ADAMTS3: variants seen among roughly 807,000 people sequenced by gnomAD.
The protein encoded by ADAMTS3 is ADAM metallopeptidase with thrombospondin type 1 motif 3, also known as A disintegrin and metalloproteinase with thrombospondin motifs 3.
Under a neutral mutation model 129.0 loss-of-function variants are expected in ADAMTS3, and 73 were observed. That is an observed-to-expected ratio of 0.57 (90% CI 0.47 to 0.69). The LOEUF is 0.69. Among genes scored for constraint, ADAMTS3 ranks in the 30% least tolerant of loss-of-function variants. ADAMTS3 has a pLI of 0.00. For synonymous variants in ADAMTS3, 477 were observed against 510.8 expected (o/e 0.93, Z 0.89); for missense variants, 1,457 against 1,514.5 (o/e 0.96, Z 0.63).
chr4:72,289,933 A>G (rs1718613365), intron 20 of ADAMTS3, among the ~76,000 whole-genome samples: 2 of 152,206 alleles, frequency 1.3e-5, no homozygotes, highest in Admixed American at 1.3e-4. Context: ...TAAAGCAGCA[A>G]GAAATAGATA....
intron 3 of ADAMTS3, among the ~76,000 whole-genome samples, chr4:72,476,007 T>C (rs762387113): frequency 1.3e-5 from 2 of 151,858 alleles, no homozygotes; most frequent in Non-Finnish European, 2.9e-5. Flanking sequence ...ATGCAATACA[T>C]ACATTAGAAA....
At chr4:72,530,275 A>G (rs1249380760) in intron 3 of ADAMTS3, among the ~76,000 whole-genome samples, 1 of 82,776 alleles carries the variant, frequency 1.2e-5, no homozygotes, top group East Asian at 3.6e-4. Context: ...TATAATATAT[A>G]ATATATAATA....
intron 3 of ADAMTS3, among the ~76,000 whole-genome samples, chr4:72,415,581 T>A (rs1392590795): frequency 6.6e-6 from 1 of 151,964 alleles, no homozygotes; most frequent in Admixed American, 6.6e-5. Context: ...AACTTTATGA[T>A]TTAAATTATA....
intron 3 of ADAMTS3, among the ~76,000 whole-genome samples, chr4:72,466,204 G>A (rs1262915192): frequency 1.3e-5 from 2 of 152,090 alleles, no homozygotes; most frequent in Non-Finnish European, 1.5e-5. Context: ...TGAGCAGTCA[G>A]TGCAAATTCC....
chr4:72,518,693 G>A (rs1302482698), intron 3 of ADAMTS3, among the ~76,000 whole-genome samples: 4 of 151,924 alleles, frequency 2.6e-5, no homozygotes, highest in African/African-American at 7.3e-5. Flanking sequence ...TTGCTTGGCA[G>A]ATCTTCCTCT....
At chr4:72,469,254 G>T (rs948737036) in intron 3 of ADAMTS3, among the ~76,000 whole-genome samples, 2 of 152,094 alleles carry the variant, frequency 1.3e-5, no homozygotes. Flanking sequence ...AGAGGCTGGT[G>T]AATACAGATA....
intron 3 of ADAMTS3, among the ~76,000 whole-genome samples, chr4:72,444,836 A>G (rs1420513102): frequency 6.6e-6 from 1 of 151,804 alleles, no homozygotes; most frequent in Non-Finnish European, 1.5e-5. Context: ...AAAATATGGT[A>G]TAGCCATACA....
chr4:72,384,603 A>T (rs1721387880), intron 4 of ADAMTS3, among the ~76,000 whole-genome samples: 1 of 152,186 alleles, frequency 6.6e-6, no homozygotes, highest in Admixed American at 6.5e-5. Flanking sequence ...GGTAGATCAC[A>T]TAAAAACATT....
intron 4 of ADAMTS3, among the ~76,000 whole-genome samples, chr4:72,389,758 A>G (rs1316088377): frequency 1.3e-5 from 2 of 152,194 alleles, no homozygotes; most frequent in Admixed American, 6.5e-5. Flanking sequence ...ACCATAACAG[A>G]GGAAATCTGG....
intron 4 of ADAMTS3, among the ~76,000 whole-genome samples, chr4:72,381,425 G>A (rs182297919): frequency 1.8e-4 from 28 of 151,912 alleles, no homozygotes; most frequent in African/African-American, 6.3e-4. Flanking sequence ...CAAATCCAGC[G>A]GCAGTCCACC....
intron 3 of ADAMTS3, among the ~76,000 whole-genome samples, chr4:72,420,259 C>T (rs1440446934): frequency 2.0e-5 from 3 of 152,136 alleles, no homozygotes; most frequent in Middle Eastern, 3.2e-3. Context: ...GCCTCATCTG[C>T]TCACTCTCTT....
chr4:72,283,273 C>G lies in ADAMTS3; in HGVS notation c.3481G>C (p.Ala1161Pro), dbSNP rs765945637. 1.3e-5 allele frequency: 21 copies of G among 1,613,936 alleles called. No individual in the cohort carries two copies. Among genetic ancestry groups the G allele is most frequent in the Admixed American group, 5.0e-5 (3 of 59,986 alleles). ...AAGGAAGCAGCAGCCATTTGTGAAG[C>G]TGAACTGAGGTGGACCCTCTTGGTG... ...PPTKRVHLSS[A>P]SQMAAASFFA... The change falls in exon 22 of 22, where the codon GCT becomes CCT. Residue 1161 changes from alanine to proline, a missense_variant. Transcript: ENST00000286657.
chr4:72,437,271 G>A (rs562356441), intron 3 of ADAMTS3, among the ~76,000 whole-genome samples: 316 of 151,952 alleles, frequency 2.1e-3, no homozygotes, highest in African/African-American at 7.2e-3. Flanking sequence ...TACAAATGCA[G>A]TGTTGTTCCA....
chr4:72,376,898 A>T (rs1223085473), intron 4 of ADAMTS3, among the ~76,000 whole-genome samples: 1 of 152,188 alleles, frequency 6.6e-6, no homozygotes, highest in Non-Finnish European at 1.5e-5. Context: ...ACACTGTGTG[A>T]GTGTAAGCCT....
At chr4:72,380,915 A>G (rs1721270092) in intron 4 of ADAMTS3, among the ~76,000 whole-genome samples, 1 of 152,276 alleles carries the variant, frequency 6.6e-6, no homozygotes. Context: ...ATAAGTTGCT[A>G]TATATTGTAT....
chr4:72,514,967 T>C (rs1281985469), intron 3 of ADAMTS3, among the ~76,000 whole-genome samples: 2 of 152,118 alleles, frequency 1.3e-5, no homozygotes, highest in Non-Finnish European at 2.9e-5. Context: ...GTATATCTCC[T>C]AATACTATCC....
intron 4 of ADAMTS3, among the ~76,000 whole-genome samples, chr4:72,347,612 GCA>G (rs933073197): frequency 6.6e-6 from 1 of 151,806 alleles, no homozygotes. Context: ...TTGGGAGACA[GCA>G]CAGTTTTTAA....
chr4:72,556,477 CTTCA>C (rs1436567984), intron 2 of ADAMTS3, among the ~76,000 whole-genome samples: 1 of 151,640 alleles, frequency 6.6e-6, no homozygotes, highest in African/African-American at 2.4e-5. Context: ...CTTTGAGCGA[CTTCA>C]GTATAAATCT....
intron 5 of ADAMTS3, among the ~76,000 whole-genome samples, chr4:72,325,362 C>T (rs183431492): frequency 4.6e-5 from 7 of 152,182 alleles, no homozygotes; most frequent in African/African-American, 1.4e-4. Context: ...AATCTTCCAC[C>T]CTCCTGTTCT....
Sources: allele counts gnomAD v4.1 joint callset (sites outside exome capture counted in the v4.1 genomes callset), GRCh38; gene constraint gnomAD v4.1.1; transcripts MANE v1.5; gene names NCBI Gene and HGNC (gene_info 2026-07-23, HGNC 2026-07-21).